FCHO1: variants seen among roughly 807,000 people sequenced by gnomAD.
FCHO1 encodes the protein F-BAR domain only protein 1.
In FCHO1, 45 loss-of-function variants were observed where a neutral mutation model predicts 114.4. That is an observed-to-expected ratio of 0.39 (90% CI 0.31 to 0.50). The LOEUF (loss-of-function observed/expected upper bound fraction) is 0.50. FCHO1 is among the 20% of genes least tolerant of loss of function. The pLI, the probability that FCHO1 is intolerant of heterozygous loss-of-function variation, is 0.77. For missense variants in FCHO1, 1,042 were observed against 1,209.6 expected (o/e 0.86, Z 2.06); for synonymous variants, 480 against 488.9 (o/e 0.98, Z 0.24).
chr19:17,772,201 T>C (rs1027891278), intron 9 of FCHO1, among the ~76,000 whole-genome samples: 1 of 152,234 alleles, frequency 6.6e-6, no homozygotes. Flanking sequence ...TGCATGTGTG[T>C]GCAAGCATGC....
intron 7 of FCHO1, among the ~76,000 whole-genome samples, chr19:17,768,811 A>G (rs1324670710): frequency 2.0e-5 from 3 of 152,016 alleles, no homozygotes; most frequent in Non-Finnish European, 2.9e-5. Flanking sequence ...TTGGCATTAC[A>G]GGCATGGGTC....
intron 5 of FCHO1, 23 bp downstream of exon 5, chr19:17,762,876 AC>A (rs772281366): frequency 3.3e-6 from 5 of 1,507,332 alleles, no homozygotes; most frequent in Non-Finnish European, 9.2e-7. Context: ...AGCCCCATCC[AC>A]CAGAGGCCAC....
Position 17,766,671 on chromosome 19 carries a change from C to T in FCHO1, c.197C>T (p.Thr66Ile), listed in dbSNP as rs200710206. 5.0e-6 allele frequency: 8 copies of T among 1,614,136 alleles called. No individual in the cohort carries two copies. Among genetic ancestry groups the T allele is most frequent in the Non-Finnish European group, 6.8e-6 (8 of 1,180,024 alleles). ...GGTGTGACCTTGCCCGCCCCCAGGACCTTCGCCCCGCTCTGGGAGGTCTTC... is the reference window on the plus strand; with the variant it reads ...GGTGTGACCTTGCCCGCCCCCAGGATCTTCGCCCCGCTCTGGGAGGTCTTC... ...KLASNGTPMG[T>I]FAPLWEVFRV... Residue 66 changes from threonine to isoleucine, a missense_variant and splice_region_variant, in exon 7 of 29, where the codon ACC becomes ATC. Thr to Ile is a moderately conservative substitution (Grantham distance 89). This residue lies in a region of FCHO1 where 450 missense variants were observed against 564.1 expected (regional missense o/e 0.80). Coordinates refer to ENST00000596536, the MANE Select transcript of FCHO1 (RefSeq NM_015122.3).
rs181173877 is a variant in FCHO1, at chr19:17,762,764, C to A, written c.30C>A (p.Gly10=). The A allele has an allele frequency of 3.0e-5, 49 of 1,611,688 alleles. No homozygotes were observed. The highest frequency in any genetic ancestry group is 2.3e-4 in the Admixed American group (14 of 59,996). The change falls in exon 5 of 29, where the codon GGC becomes GGA. Residue 10 remains glycine, a splice_region_variant and synonymous_variant. Coordinates refer to ENST00000596536, the MANE Select transcript of FCHO1 (RefSeq NM_015122.3). MSYFGEHFW[G]EKNHGFEVLY... ...ATCTCTATTCCCATCCCCTGCAGGGCGAGAAAAATCATGGCTTTGAGGTCC... is the reference window on the plus strand; with the variant it reads ...ATCTCTATTCCCATCCCCTGCAGGGAGAGAAAAATCATGGCTTTGAGGTCC...
upstream of FCHO1, among the ~76,000 whole-genome samples, chr19:17,749,686 C>A (rs544373469): frequency 6.6e-6 from 1 of 152,098 alleles, no homozygotes; most frequent in African/African-American, 2.4e-5. Flanking sequence ...GTTTCCCCAT[C>A]GTGGTGCTGG....
chr19:17,770,170 G>A (rs1166300591), intron 7 of FCHO1, among the ~76,000 whole-genome samples: 4 of 152,146 alleles, frequency 2.6e-5, no homozygotes, highest in Admixed American at 1.3e-4. Flanking sequence ...GTGTGATGGT[G>A]AGCACCTGTA....
intron 20 of FCHO1, among the ~76,000 whole-genome samples, chr19:17,779,845 C>G (rs2147256025): frequency 6.6e-6 from 1 of 151,872 alleles, no homozygotes; most frequent in East Asian, 1.9e-4. Context: ...CAGAGCACCC[C>G]CTCCTTGAAG....
chr19:17,772,956 C>T (rs2091959311), intron 11 of FCHO1, among the ~76,000 whole-genome samples: 1 of 152,318 alleles, frequency 6.6e-6, no homozygotes, highest in East Asian at 1.9e-4. Context: ...AGCCACTGCA[C>T]ATGGCCAGGC....
chr19:17,784,543 C>T lies in FCHO1; in HGVS notation c.2227-182C>T, dbSNP rs901792015. Among the ~76,000 whole-genome samples, 11 of 152,262 alleles carry T rather than the reference C, an allele frequency of 7.2e-5. 1 individual carries two copies. The highest frequency in any genetic ancestry group is 7.2e-5 in the African/African-American group (3 of 41,546). The stretch of plus-strand genomic sequence containing the variant: ...CCTGGGAGACTTTGTTAGAATGAGG[C>T]GCTCTCCTGCCCCCTGCTGGAAACC... On this transcript the variant is annotated intron_variant, in intron 25 of 28. Coordinates refer to ENST00000596536, the MANE Select transcript of FCHO1 (RefSeq NM_015122.3). The surrounding 1 kb of genome is among the most constrained non-coding windows in gnomAD (Gnocchi z 5.3).
Position 17,775,663 on chromosome 19 carries a change from C to T in FCHO1, c.1003+150C>T, listed in dbSNP as rs2092527554. 3 of 785,924 alleles carry T rather than the reference C, an allele frequency of 3.8e-6. No individual in the cohort carries two copies. Among genetic ancestry groups the T allele is most frequent in the Non-Finnish European group, 6.5e-6 (3 of 462,230 alleles). The allele number at this position is 785,924 out of a possible 1,614,324, so 48.7% of individuals were successfully genotyped here. On this transcript the variant is annotated intron_variant, in intron 15 of 28. Coordinates refer to ENST00000596536, the MANE Select transcript of FCHO1 (RefSeq NM_015122.3). This position sits in a 1 kb window ranked among gnomAD's most constrained non-coding sequence, Gnocchi z 5.1. ...AAGCCAACCTAAATGTAAACACCCACTCTATGGGGTCAGCACTGGGCAAGA... is the reference window on the plus strand; with the variant it reads ...AAGCCAACCTAAATGTAAACACCCATTCTATGGGGTCAGCACTGGGCAAGA...
intron 4 of FCHO1, among the ~76,000 whole-genome samples, chr19:17,756,200 G>A (rs746195942): frequency 3.9e-5 from 6 of 152,128 alleles, no homozygotes; most frequent in Non-Finnish European, 5.9e-5. Context: ...TAAAGGGGCC[G>A]CACTCCCTTG....
chr19:17,782,734 A>G (rs1702868548), intron 23 of FCHO1, among the ~76,000 whole-genome samples: 1 of 152,198 alleles, frequency 6.6e-6, no homozygotes, highest in South Asian at 2.1e-4. Flanking sequence ...AGCAAAGGAT[A>G]GCTAAAAAAC....
chr19:17,779,813 C>G (rs1360658545), intron 20 of FCHO1, among the ~76,000 whole-genome samples: 1 of 151,666 alleles, frequency 6.6e-6, no homozygotes, highest in Non-Finnish European at 1.5e-5. Flanking sequence ...ACAGTGGACC[C>G]TGAGTGTGGG....
In FCHO1 at chr19:17,766,050, G is replaced by C. The variant is rs551113054; in HGVS notation, c.195-619G>C. The stretch of plus-strand genomic sequence containing the variant: ...ACTACAGGTGCCCACCACCACGCCC[G>C]GCTAATTTTTTGTATTTTTAGTAGA... On this transcript the variant is annotated intron_variant, in intron 6 of 28. Coordinates refer to ENST00000596536, the MANE Select transcript of FCHO1 (RefSeq NM_015122.3). Among the ~76,000 whole-genome samples, 453 of 151,040 alleles carry C rather than the reference G, an allele frequency of 3.0e-3. 1 individual carries two copies. Among genetic ancestry groups the C allele is most frequent in the Non-Finnish European group, 5.4e-3 (364 of 67,820 alleles).
At chr19:17,786,539 T>TG in intron 26 of FCHO1, 35 bp from the exon 27 acceptor site, 2 of 1,606,796 alleles carry the variant, frequency 1.2e-6, no homozygotes, top group Non-Finnish European at 1.7e-6. Flanking sequence ...GCATCCTCTC[T>TG]GGGGAAGCCC....
chr19:17,783,307 C>T lies in FCHO1; in HGVS notation c.2093+135C>T, dbSNP rs542395864. On this transcript the variant is annotated intron_variant, in intron 24 of 28. Transcript: ENST00000596536. ...GTAGAGACGGAGTCTTGCTCTGTCG[C>T]CCAGGCTGGAGTGCAATGGCGTCAT... 1.4e-5 allele frequency: 14 copies of T among 986,974 alleles called. No homozygotes were observed. In the African/African-American group the frequency reaches 1.6e-4, roughly 12 times the overall value. 61.1% of individuals were successfully genotyped at this position (986,974 alleles called of 1,614,324 possible).
chr19:17,770,146 A>G (rs572586150), intron 7 of FCHO1, among the ~76,000 whole-genome samples: 1 of 152,270 alleles, frequency 6.6e-6, no homozygotes, highest in Admixed American at 6.5e-5. Flanking sequence ...CTAAAAATAC[A>G]AAAAATTATC....
In FCHO1 at chr19:17,778,775, G is replaced by A; in HGVS notation, c.1518G>A (p.Arg506=). ...CCCCGCAGAGCCCGCCCAGCTGTAG[G>A]GCGCCACCCCCAGAGGCCAGGGGTA... ...PGTPQSPPSC[R]APPPEARGIR... The change falls in exon 20 of 29, where the codon AGG becomes AGA. Residue 506 remains arginine (R), a synonymous_variant. Transcript: ENST00000596536. 3 of 1,538,880 alleles carry A rather than the reference G, an allele frequency of 1.9e-6. No homozygotes were observed. Among genetic ancestry groups the A allele is most frequent in the Non-Finnish European group, 2.6e-6 (3 of 1,147,854 alleles).
rs1243532012 is a variant in FCHO1, at chr19:17,776,362, T to C, written c.1207+91T>C. On this transcript the variant is annotated intron_variant, in intron 17 of 28. Transcript: ENST00000596536. This position sits in a 1 kb window ranked among gnomAD's most constrained non-coding sequence, Gnocchi z 4.4. ...GAATCATAACTCCGTTTTGTAACTTTGGGCAGGCTGCTTAACCACACTGAC... is the reference window on the plus strand; with the variant it reads ...GAATCATAACTCCGTTTTGTAACTTCGGGCAGGCTGCTTAACCACACTGAC... 26 of 1,527,166 alleles carry C rather than the reference T, an allele frequency of 1.7e-5. No homozygotes were observed. In the Admixed American group the frequency reaches 4.0e-4, roughly 24 times the overall value. 94.6% of individuals were successfully genotyped at this position (1,527,166 alleles called of 1,614,324 possible). A position where few individuals can be genotyped will look rare whatever the true frequency, so the allele number is the denominator to read the frequency against.
Sources: allele counts gnomAD v4.1 joint callset (sites outside exome capture counted in the v4.1 genomes callset), GRCh38; gene constraint gnomAD v4.1.1; regional missense constraint gnomAD v4.1.1; non-coding constraint Gnocchi (gnomAD v3.1); transcripts MANE v1.5; gene names NCBI Gene and HGNC (gene_info 2026-07-23, HGNC 2026-07-21).